PDE10A: variants seen among roughly 807,000 people sequenced by gnomAD.
The protein encoded by PDE10A is phosphodiesterase 10A.
A neutral mutation model predicts 97.7 loss-of-function variants in PDE10A; 39 were observed. The ratio of observed to expected loss-of-function variants is 0.40; its 90% CI spans 0.31 to 0.52. PDE10A has a LOEUF of 0.52. Ranked by LOEUF, PDE10A falls within the 20% of genes least tolerant of loss-of-function variation. The probability of loss-of-function intolerance (pLI) is 0.56; values close to 1 mark genes in which losing one functional copy is unlikely to be tolerated. For missense variants in PDE10A, 731 were observed against 1,047.8 expected (o/e 0.70, Z 4.17); for synonymous variants, 371 against 376.8 (o/e 0.98, Z 0.18).
rs1788501195 is a variant in PDE10A, at chr6:165,418,880, CTAAT to C, written c.1654-107_1654-104del. On this transcript the variant is annotated intron_variant, in intron 10 of 21. Coordinates refer to ENST00000539869, the MANE Select transcript of PDE10A (RefSeq NM_001385079.1). This position sits in a 1 kb window ranked among gnomAD's most constrained non-coding sequence, Gnocchi z 4.8. Reference sequence around the variant, plus strand: ...GTATTAATTTCAGCTGTCCTATACTCTAATTGGTTGGTATTAGCATTATAAGTAA... The same window carrying C: ...GTATTAATTTCAGCTGTCCTATACTCTGGTTGGTATTAGCATTATAAGTAA... The C allele has an allele frequency of 1.7e-5, 14 of 846,738 alleles. No homozygotes were observed. In the South Asian group the frequency reaches 2.2e-4, roughly 13 times the overall value. The allele number at this position is 846,738 out of a possible 1,614,324, so 52.5% of individuals were successfully genotyped here.
intron 1 of PDE10A, among the ~76,000 whole-genome samples, chr6:165,620,948 G>C (rs991043231): frequency 5.9e-5 from 9 of 151,316 alleles, no homozygotes; most frequent in South Asian, 2.1e-4. Flanking sequence ...TTGAACCTGG[G>C]AGGCAGAGGT....
intron 1 of PDE10A, among the ~76,000 whole-genome samples, chr6:165,984,400 T>G (rs371777425): frequency 3.9e-5 from 6 of 152,360 alleles, no homozygotes; most frequent in African/African-American, 1.4e-4. Context: ...TGAAATACAA[T>G]TCTTATTTCT....
chr6:165,930,189 C>T (rs770963768), intron 1 of PDE10A, among the ~76,000 whole-genome samples: 1 of 152,218 alleles, frequency 6.6e-6, no homozygotes, highest in Non-Finnish European at 1.5e-5. Flanking sequence ...GTTCACAGAT[C>T]CCTGAGCCAC....
intron 2 of PDE10A, among the ~76,000 whole-genome samples, chr6:165,534,392 C>A (rs1211718629): frequency 6.6e-6 from 1 of 150,974 alleles, no homozygotes; most frequent in Non-Finnish European, 1.5e-5. Flanking sequence ...CACCCCAATT[C>A]TATTCAAAGT....
intron 1 of PDE10A, among the ~76,000 whole-genome samples, chr6:165,860,026 T>C (rs936672191): frequency 1.3e-5 from 2 of 152,070 alleles, no homozygotes; most frequent in African/African-American, 4.8e-5. Context: ...CAATGGACTT[T>C]GGGGACTCAG....
At chr6:165,803,118 A>G (rs1162740380) in intron 1 of PDE10A, among the ~76,000 whole-genome samples, 1 of 152,232 alleles carries the variant, frequency 6.6e-6, no homozygotes, top group Non-Finnish European at 1.5e-5. Flanking sequence ...CATCCTTTGA[A>G]ACGAATGCTT....
chr6:165,594,964 T>C lies in PDE10A; in HGVS notation c.866-51396A>G, dbSNP rs576569711. Among the ~76,000 whole-genome samples, 5 of 152,326 alleles carry C rather than the reference T, an allele frequency of 3.3e-5. No individual in the cohort carries two copies. The South Asian group carries it at 1.0e-3, about 32-fold the overall frequency. Reference sequence around the variant, plus strand: ...GATCATGAATTATGATTATCCGCAATCTACAGGTGAAGAAACTGAAGTTCA... The same window carrying C: ...GATCATGAATTATGATTATCCGCAACCTACAGGTGAAGAAACTGAAGTTCA... On this transcript the variant is annotated intron_variant, in intron 1 of 21. Coordinates refer to ENST00000539869, the MANE Select transcript of PDE10A (RefSeq NM_001385079.1).
intron 1 of PDE10A, among the ~76,000 whole-genome samples, chr6:165,779,531 C>G (rs1404400719): frequency 6.6e-6 from 1 of 152,176 alleles, no homozygotes; most frequent in Non-Finnish European, 1.5e-5. Context: ...TGCAATTAAT[C>G]CCCCTTCCAA....
chr6:165,916,626 G>C (rs937053275), intron 1 of PDE10A, among the ~76,000 whole-genome samples: 8 of 152,190 alleles, frequency 5.3e-5, no homozygotes, highest in African/African-American at 1.7e-4. Flanking sequence ...CTTGGAGCCA[G>C]CTCCACATGC....
At chr6:165,590,890 C>CA (rs1165744195) in intron 1 of PDE10A, among the ~76,000 whole-genome samples, 1 of 150,442 alleles carries the variant, frequency 6.6e-6, no homozygotes, top group Non-Finnish European at 1.5e-5. Flanking sequence ...GACTCTGTCT[C>CA]AAAAATAGAA....
intron 3 of PDE10A, among the ~76,000 whole-genome samples, chr6:165,468,727 A>G (rs769224618): frequency 6.6e-6 from 1 of 152,246 alleles, no homozygotes; most frequent in Non-Finnish European, 1.5e-5. Context: ...CTTATGACCA[A>G]AAAAGTATCT....
intron 18 of PDE10A, among the ~76,000 whole-genome samples, chr6:165,364,059 C>T (rs925003100): frequency 5.9e-5 from 9 of 152,092 alleles, no homozygotes; most frequent in Admixed American, 3.9e-4. Context: ...AAAACAATAT[C>T]GGGAAAGAAG....
In PDE10A at chr6:165,680,901, T is replaced by C. The variant is rs114849502; in HGVS notation, c.-614-137333A>G. On this transcript the variant is annotated intron_variant, in intron 1 of 19. Transcript: ENST00000366882. ...TCCATCTAAACAAACAAACAAAAAA[T>C]ACTCATTACCTTCTGCCTGCATTCA... 7.2e-3 allele frequency among the ~76,000 whole-genome samples: 1,090 copies of C among 152,234 alleles called. 8 individuals are homozygous for C. The highest frequency in any genetic ancestry group is 0.025 in the African/African-American group (1,027 of 41,550).
At chr6:165,710,549 T>G (rs2128446054) in intron 1 of PDE10A, among the ~76,000 whole-genome samples, 1 of 152,322 alleles carries the variant, frequency 6.6e-6, no homozygotes, top group African/African-American at 2.4e-5. Flanking sequence ...GAAAAGCACT[T>G]TTCGTTTTGT....
intron 1 of PDE10A, among the ~76,000 whole-genome samples, chr6:165,739,821 A>G (rs1031629217): frequency 2.0e-5 from 3 of 152,190 alleles, no homozygotes; most frequent in African/African-American, 7.2e-5. Context: ...CTGAATAGAC[A>G]TTTCTCAGAA....
chr6:165,626,098 G>A (rs1300141852), intron 1 of PDE10A, among the ~76,000 whole-genome samples: 1 of 152,152 alleles, frequency 6.6e-6, no homozygotes, highest in East Asian at 1.9e-4. Flanking sequence ...CTCAAGAAGG[G>A]TCCTGGGGAT....
At chr6:165,349,104 G>A (rs572593976) in intron 18 of PDE10A, among the ~76,000 whole-genome samples, 6 of 152,324 alleles carry the variant, frequency 3.9e-5, no homozygotes, top group South Asian at 2.1e-4. Context: ...CTGTGGAAGC[G>A]ACTTTGGAAC....
chr6:165,635,490 T>G (rs12191983), intron 1 of PDE10A, among the ~76,000 whole-genome samples: 3 of 146,996 alleles, frequency 2.0e-5, no homozygotes, highest in East Asian at 2.1e-4. Context: ...TGTGTGTGGG[T>G]GTGTGTGCAT....
intron 1 of PDE10A, among the ~76,000 whole-genome samples, chr6:165,863,076 C>A (rs1008905424): frequency 6.6e-6 from 1 of 152,196 alleles, no homozygotes; most frequent in East Asian, 1.9e-4. Flanking sequence ...TATTTAAACT[C>A]AAAAAATTCC....
Sources: gnomAD v4.1 joint callset for allele counts (sites outside exome capture counted in the v4.1 genomes callset) on GRCh38, gnomAD v4.1.1 for gene constraint, Gnocchi (gnomAD v3.1) non-coding constraint, MANE v1.5 for transcripts, NCBI Gene and HGNC (gene_info 2026-07-23, HGNC 2026-07-21) for gene names.